PKP2: variants seen among roughly 807,000 people sequenced by gnomAD.
The protein encoded by PKP2 is plakophilin 2, also known as plakophilin-2.
Under a neutral mutation model 83.4 loss-of-function variants are expected in PKP2, and 73 were observed. The observed-to-expected ratio is 0.88, with a 90% CI of 0.72 to 1.06. The LOEUF (loss-of-function observed/expected upper bound fraction) is 1.06, where lower values mean the gene tolerates loss of function less well. Ranked by LOEUF, PKP2 falls within the 50% of genes least tolerant of loss-of-function variation. The pLI is 0.00. For missense variants in PKP2, 966 were observed against 1,065.4 expected (o/e 0.91, Z 1.30); for synonymous variants, 409 against 430.4 (o/e 0.95, Z 0.62).
rs138765604 is a variant in PKP2, at chr12:32,893,911, CTTTTT to C, written c.223+2593_223+2597del. 6 of 81,772 alleles carry C rather than the reference CTTTTT, an allele frequency of 7.3e-5. No homozygotes were observed. The East Asian group carries it at 1.9e-3, about 26-fold the overall frequency. 5.1% of individuals were successfully genotyped at this position (81,772 alleles called of 1,614,324 possible). A position where few individuals can be genotyped will look rare whatever the true frequency, so the allele number is the denominator to read the frequency against. On this transcript the variant is annotated intron_variant, in intron 1 of 12. Transcript: ENST00000340811. The stretch of plus-strand genomic sequence containing the variant: ...ATTTCCTGCCACCAGGAGTAACTTA[CTTTTT>C]TTTTTTTTTTTTTTTTTTTTGAGAT...
At chr12:32,877,728 A>G in intron 3 of PKP2, 118 bp downstream of exon 3, 1 of 797,064 alleles carries the variant, frequency 1.3e-6, no homozygotes. Flanking sequence ...CATTATTTTA[A>G]TCACTTATCT....
intron 10 of PKP2, among the ~76,000 whole-genome samples, chr12:32,799,460 T>C (rs1453908934): frequency 6.6e-6 from 1 of 152,170 alleles, no homozygotes; most frequent in African/African-American, 2.4e-5. Flanking sequence ...AAAGAAGTCA[T>C]TATATGAAAA....
intron 11 of PKP2, among the ~76,000 whole-genome samples, chr12:32,793,830 C>A (rs1429574724): frequency 6.6e-6 from 1 of 151,964 alleles, no homozygotes; most frequent in Non-Finnish European, 1.5e-5. Context: ...CTCCTGACTT[C>A]ATGATCCGCC....
chr12:32,846,053 C>T (rs760226917), intron 5 of PKP2, among the ~76,000 whole-genome samples: 1 of 152,094 alleles, frequency 6.6e-6, no homozygotes, highest in Non-Finnish European at 1.5e-5. Flanking sequence ...CAATTAAGTA[C>T]TTCTATAAAA....
At chr12:32,825,339 T>C (rs1375714778) in intron 6 of PKP2, among the ~76,000 whole-genome samples, 2 of 151,922 alleles carry the variant, frequency 1.3e-5, no homozygotes, top group South Asian at 2.1e-4. Context: ...CAGCTAATTT[T>C]TGTATTTTTA....
chr12:32,793,837 C>G (rs1052109182), intron 11 of PKP2, among the ~76,000 whole-genome samples: 2 of 151,802 alleles, frequency 1.3e-5, no homozygotes, highest in African/African-American at 4.8e-5. Context: ...CTTCATGATC[C>G]GCCTGCCTCG....
intron 1 of PKP2, among the ~76,000 whole-genome samples, chr12:32,880,482 G>A (rs191838529): frequency 6.6e-6 from 1 of 152,318 alleles, no homozygotes; most frequent in African/African-American, 2.4e-5. Context: ...TCAGGCCAAT[G>A]CTGGGGTTGA....
At chr12:32,845,397 A>C (rs768626675) in intron 5 of PKP2, among the ~76,000 whole-genome samples, 2 of 151,984 alleles carry the variant, frequency 1.3e-5, no homozygotes, top group African/African-American at 2.4e-5. Context: ...AAAAATACAA[A>C]AAAAATTAGC....
intron 10 of PKP2, among the ~76,000 whole-genome samples, chr12:32,799,352 C>T (rs988277377): frequency 1.3e-5 from 2 of 152,154 alleles, no homozygotes; most frequent in African/African-American, 4.8e-5. Context: ...TAAACTAGTA[C>T]AACCACTATG....
Position 32,791,012 on chromosome 12 carries a change from T to C in PKP2, c.*1412A>G, listed in dbSNP as rs925970516. On this transcript the variant is annotated 3_prime_UTR_variant, in exon 13 of 13. Transcript: ENST00000340811. ...AAATTGCTTCAAATATAATAAAGAC[T>C]TAAGTACACATTCAAAATTTATTTT... 4 of 152,210 alleles carry C rather than the reference T, an allele frequency of 2.6e-5. No individual in the cohort carries two copies. Among genetic ancestry groups the C allele is most frequent in the African/African-American group, 9.7e-5 (4 of 41,448 alleles). The allele number at this position is 152,210 out of a possible 1,614,324, so 9.4% of individuals were successfully genotyped here. A position where few individuals can be genotyped will look rare whatever the true frequency, so the allele number is the denominator to read the frequency against.
At chr12:32,836,314 G>T (rs1217921343) in intron 6 of PKP2, among the ~76,000 whole-genome samples, 2 of 152,190 alleles carry the variant, frequency 1.3e-5, no homozygotes, top group Non-Finnish European at 1.5e-5. Flanking sequence ...AAAGACAAAT[G>T]ATCCGATACA....
chr12:32,796,149 C>T lies in PKP2; in HGVS notation c.2317G>A (p.Gly773Arg), dbSNP rs766775778. ...YQNARDLLNT[G>R]GIQKIMAISA... ...ATGGCCATAATTTTCTGGATGCCCC[C>T]GGTGTTTAGAAGGTCGCGTGCATTC... Residue 773 changes from glycine (G) to arginine (R), a missense_variant, in exon 11 of 13, where the codon GGG becomes AGG. Gly to Arg is a moderately radical substitution (Grantham distance 125). Coordinates refer to ENST00000340811, the MANE Select transcript of PKP2 (RefSeq NM_001005242.3). 16 of 1,613,914 alleles carry T rather than the reference C, an allele frequency of 9.9e-6. No homozygotes were observed. Among genetic ancestry groups the T allele is most frequent in the South Asian group, 5.5e-5 (5 of 91,076 alleles).
rs1318070848 is a variant in PKP2 at position 32,841,085 on chromosome 12, G to GAA, written c.1498_1499insTT (p.Pro500LeufsTer20). 1 of 1,613,826 alleles carries GAA rather than the reference G, an allele frequency of 6.2e-7. No homozygotes were observed. The highest frequency in any genetic ancestry group is 8.5e-7 in the Non-Finnish European group (1 of 1,179,824). On this transcript the variant is annotated frameshift_variant, in exon 6 of 13. Coordinates refer to ENST00000340811, the MANE Select transcript of PKP2 (RefSeq NM_001005242.3). LOFTEE classifies it high-confidence loss of function. ...AAAATCGAGCAAACCATTTGCTTTT[G>GAA]GGTAGTCTCCTTCAGGCCACCCAGA... is the stretch of plus-strand genomic sequence containing the variant.
At chr12:32,846,014 TTC>T (rs1164465790) in intron 5 of PKP2, among the ~76,000 whole-genome samples, 1 of 152,158 alleles carries the variant, frequency 6.6e-6, no homozygotes, top group Non-Finnish European at 1.5e-5. Context: ...TAGCAAAACA[TTC>T]TGAGTATTTT....
intron 9 of PKP2, 53 bp from the exon 10 acceptor site, chr12:32,802,609 C>T: frequency 6.6e-7 from 1 of 1,506,250 alleles, no homozygotes; most frequent in Non-Finnish European, 9.2e-7. Flanking sequence ...TTCACGATAA[C>T]ATTAAGTTTT....
At chr12:32,823,837 G>A (rs1309503612) in intron 7 of PKP2, among the ~76,000 whole-genome samples, 2 of 152,070 alleles carry the variant, frequency 1.3e-5, no homozygotes, top group Non-Finnish European at 2.9e-5. Context: ...TCCTGACCTC[G>A]TGATCTGCCT....
intron 6 of PKP2, among the ~76,000 whole-genome samples, chr12:32,836,184 G>A (rs1156912849): frequency 6.6e-6 from 1 of 152,170 alleles, no homozygotes; most frequent in Non-Finnish European, 1.5e-5. Flanking sequence ...TATCCCTATT[G>A]CAAAATCTGC....
chr12:32,839,290 C>G (rs911715742), intron 6 of PKP2, among the ~76,000 whole-genome samples: 2 of 151,672 alleles, frequency 1.3e-5, no homozygotes, highest in Admixed American at 6.6e-5. Flanking sequence ...CCAACAGTTG[C>G]TCAAATGATG....
chr12:32,806,570 T>C (rs765315488), intron 9 of PKP2, among the ~76,000 whole-genome samples: 1 of 152,230 alleles, frequency 6.6e-6, no homozygotes, highest in Non-Finnish European at 1.5e-5. Flanking sequence ...ATCCCACTTA[T>C]CATTTCTGAT....
Sources: gnomAD v4.1 joint callset for allele counts (sites outside exome capture counted in the v4.1 genomes callset) on GRCh38, gnomAD v4.1.1 for gene constraint, MANE v1.5 for transcripts, NCBI Gene and HGNC (gene_info 2026-07-23, HGNC 2026-07-21) for gene names.